Variants in KCNQ1 observed in about 807,000 individuals in gnomAD.
KCNQ1 encodes potassium voltage-gated channel subfamily KQT member 1.
Under a neutral mutation model 72.4 loss-of-function variants are expected in KCNQ1, and 49 were observed. The ratio of observed to expected loss-of-function variants is 0.68; its 90% confidence interval spans 0.54 to 0.86. KCNQ1 has a LOEUF of 0.86. Ranked by LOEUF, KCNQ1 falls within the 40% of genes least tolerant of loss-of-function variation. The pLI is 0.00. For missense variants in KCNQ1, 790 were observed against 945.1 expected, an observed-to-expected ratio of 0.84 and a Z score of 2.15; for synonymous variants, 450 against 412.6, an observed-to-expected ratio of 1.09 and a Z score of -1.10.
chr11:2,832,176 CCT>C (rs1847965671), intron 15 of KCNQ1, among the ~76,000 whole-genome samples: 1 of 152,198 alleles, frequency 6.6e-6, no homozygotes, highest in South Asian at 2.1e-4. Context: ...TCCCAGCACC[CCT>C]GAGGGAAGGC....
At chr11:2,719,380 C>T (rs1371068296) in intron 11 of KCNQ1, among the ~76,000 whole-genome samples, 1 of 150,088 alleles carries the variant, frequency 6.7e-6, no homozygotes, top group Non-Finnish European at 1.5e-5. Context: ...CCTGTGGTCC[C>T]AGCTGTTTGG....
intron 11 of KCNQ1, among the ~76,000 whole-genome samples, chr11:2,755,827 G>A (rs1336922077): frequency 2.6e-5 from 4 of 152,156 alleles, no homozygotes; most frequent in Admixed American, 2.6e-4. Flanking sequence ...ATATGTGTGT[G>A]TATAACCAAT....
intron 10 of KCNQ1, chr11:2,640,122 A>G (rs1428374383): frequency 6.5e-6 from 2 of 310,020 alleles, no homozygotes; most frequent in Admixed American, 5.0e-5. Context: ...TCCGTTGGCT[A>G]GGAAAGGGAA....
Position 2,691,510 on chromosome 11 carries a change from T to C in KCNQ1, c.1514+29429T>C. 1 of 397,982 alleles carries C rather than the reference T, an allele frequency of 2.5e-6. No individual in the cohort carries two copies. Among genetic ancestry groups the C allele is most frequent in the Non-Finnish European group, 4.4e-6 (1 of 226,062 alleles). 24.7% of individuals were successfully genotyped at this position (397,982 alleles called of 1,614,324 possible). On this transcript the variant is annotated intron_variant, in intron 11 of 15. Transcript: ENST00000155840. This position sits in a 1 kb window ranked among gnomAD's most constrained non-coding sequence, Gnocchi z 6.4. ...GCCTATTCAAGGCCATTTTTCAGCT[T>C]GCTTGGCTTTGCATTAAAGTTGGGG... is the stretch of plus-strand genomic sequence containing the variant.
At chr11:2,716,697 C>T (rs557552220) in intron 11 of KCNQ1, among the ~76,000 whole-genome samples, 20 of 152,374 alleles carry the variant, frequency 1.3e-4, no homozygotes, top group African/African-American at 3.6e-4. Flanking sequence ...TTCCCCACTA[C>T]GGAAGGCAGC....
chr11:2,746,229 T>G lies in KCNQ1; in HGVS notation c.1515-22615T>G, dbSNP rs1001212738. ...TTTTTATTTTAAATAAACTTTGATT[T>G]TAGAATAGTTTTGGAATTACAAAAT... On this transcript the variant is annotated intron_variant, in intron 11 of 15. Coordinates refer to ENST00000155840, the MANE Select transcript of KCNQ1 (RefSeq NM_000218.3). This position sits in a 1 kb window ranked among gnomAD's most constrained non-coding sequence, Gnocchi z 5.9. Among the ~76,000 whole-genome samples the G allele has an allele frequency of 2.0e-5, 3 of 152,200 alleles. No individual in the cohort carries two copies. Among genetic ancestry groups the G allele is most frequent in the African/African-American group, 7.2e-5 (3 of 41,454 alleles).
At chr11:2,672,806 G>A in intron 11 of KCNQ1, 1 of 398,788 alleles carries the variant, frequency 2.5e-6, no homozygotes, top group Non-Finnish European at 4.4e-6. Flanking sequence ...CCTTCAGAAG[G>A]GCTGGACCAA....
intron 11 of KCNQ1, among the ~76,000 whole-genome samples, chr11:2,763,534 G>T (rs1335310295): frequency 3.9e-5 from 6 of 152,128 alleles, no homozygotes; most frequent in African/African-American, 9.7e-5. Flanking sequence ...TGATGCTATT[G>T]TAATTGATAT....
intron 10 of KCNQ1, chr11:2,610,038 A>T (rs1589980002): frequency 2.5e-6 from 1 of 397,972 alleles, no homozygotes; most frequent in East Asian, 3.6e-5. Context: ...TTAGATTTAT[A>T]TCCACAGTTT....
intron 1 of KCNQ1, among the ~76,000 whole-genome samples, chr11:2,502,580 G>C (rs1847035119): frequency 6.6e-6 from 1 of 152,184 alleles, no homozygotes; most frequent in Non-Finnish European, 1.5e-5. Context: ...TGGACTGGAA[G>C]AATCAATATT....
intron 11 of KCNQ1, among the ~76,000 whole-genome samples, chr11:2,755,559 A>G (rs1271598029): frequency 6.6e-6 from 1 of 152,240 alleles, no homozygotes; most frequent in East Asian, 1.9e-4. Context: ...GTGCCTGGCC[A>G]GGGCCTTCAC....
chr11:2,655,997 TAATTTCCTAAAAC>T, intron 10 of KCNQ1: 1 of 398,606 alleles, frequency 2.5e-6, no homozygotes. Flanking sequence ...GTGCACATTT[TAATTTCCTAAAAC>T]ACCAGGACAG....
chr11:2,786,588 T>G (rs1032576584), intron 15 of KCNQ1, among the ~76,000 whole-genome samples: 4 of 151,932 alleles, frequency 2.6e-5, no homozygotes, highest in African/African-American at 9.7e-5. Context: ...AACCTTTTTT[T>G]TTTTTAAATC....
intron 11 of KCNQ1, chr11:2,666,642 T>A: frequency 2.5e-6 from 1 of 398,688 alleles, no homozygotes; most frequent in Non-Finnish European, 4.4e-6. Flanking sequence ...TTTGGCTTCA[T>A]GGACCAAGGG....
chr11:2,721,095 G>A (rs1302754658), intron 11 of KCNQ1, among the ~76,000 whole-genome samples: 1 of 152,178 alleles, frequency 6.6e-6, no homozygotes, highest in Non-Finnish European at 1.5e-5. Context: ...TAAAAGGTGG[G>A]GAGGGGATTG....
At chr11:2,638,669 T>G (rs993660693) in intron 10 of KCNQ1, 1 of 152,154 alleles carries the variant, frequency 6.6e-6, no homozygotes, top group East Asian at 1.9e-4. Context: ...TTGCTCTTCT[T>G]GAGGAGTATC....
At chr11:2,729,278 G>A (rs572347562) in intron 11 of KCNQ1, among the ~76,000 whole-genome samples, 22 of 152,388 alleles carry the variant, frequency 1.4e-4, no homozygotes, top group African/African-American at 4.8e-4. Context: ...TGCCCTGGAC[G>A]TGACAAATCT....
chr11:2,678,478 C>T lies in KCNQ1; in HGVS notation c.1514+16397C>T, dbSNP rs1199379320. On this transcript the variant is annotated intron_variant, in intron 11 of 15. Transcript: ENST00000155840. This position sits in a 1 kb window ranked among gnomAD's most constrained non-coding sequence, Gnocchi z 4.9. ...ACTGCTACCTTTATCATATTTCAAA[C>T]TCTCATTTAATTTGTGTCCATTTCT... 2 of 398,434 alleles carry T rather than the reference C, an allele frequency of 5.0e-6. No homozygotes were observed. The highest frequency in any genetic ancestry group is 7.1e-5 in the East Asian group (2 of 28,086). The allele number at this position is 398,434 out of a possible 1,614,324, so 24.7% of individuals were successfully genotyped here.
Position 2,621,925 on chromosome 11 carries a change from G to A in KCNQ1, c.1393+33071G>A. 2.5e-6 allele frequency: 1 copy of A among 397,994 alleles called. No homozygotes were observed. 24.7% of individuals were successfully genotyped at this position (397,994 alleles called of 1,614,324 possible). On this transcript the variant is annotated intron_variant, in intron 10 of 15. Coordinates refer to ENST00000155840, the MANE Select transcript of KCNQ1 (RefSeq NM_000218.3). This position sits in a 1 kb window ranked among gnomAD's most constrained non-coding sequence, Gnocchi z 5.7. ...CTTCTGTTAACTTTGGCTTTAGTTT[G>A]TTCTTCTTTTTCTAATTCCTTGAGG...
Sources: allele counts gnomAD v4.1 joint callset (sites outside exome capture counted in the v4.1 genomes callset), GRCh38; gene constraint gnomAD v4.1.1; non-coding constraint Gnocchi (gnomAD v3.1); transcripts MANE v1.5; gene names NCBI Gene and HGNC (gene_info 2026-07-23, HGNC 2026-07-21).